Variants in TRMT11 observed in about 807,000 individuals in gnomAD.
TRMT11 encodes the protein tRNA (guanine(10)-N(2))-methyltransferase TRMT11.
Under a neutral mutation model 62.8 loss-of-function variants are expected in TRMT11, and 53 were observed. The ratio of observed to expected loss-of-function variants is 0.84; its 90% CI spans 0.68 to 1.06. TRMT11 has a LOEUF of 1.06. TRMT11 is among the 50% of genes least tolerant of loss of function. The probability of loss-of-function intolerance (pLI) is 0.00; values close to 1 mark genes in which losing one functional copy is unlikely to be tolerated. For missense variants in TRMT11, 556 were observed against 553.4 expected (o/e 1.00, Z -0.05); for synonymous variants, 188 against 190.3 (o/e 0.99, Z 0.10).
chr6:126,001,834 T>G (rs1792544618), intron 7 of TRMT11, among the ~76,000 whole-genome samples: 1 of 152,126 alleles, frequency 6.6e-6, no homozygotes, highest in Non-Finnish European at 1.5e-5. Context: ...ATTATTCTAC[T>G]GTAAGCAAAA....
At chr6:125,987,108 C>G (rs1789774007) in intron 1 of TRMT11, 1 of 157,994 alleles carries the variant, frequency 6.3e-6, no homozygotes, top group South Asian at 1.8e-4. Context: ...GGGCATGTAA[C>G]GATGATGTAA....
intron 17 of TRMT11, among the ~76,000 whole-genome samples, chr6:126,089,333 T>C (rs1393447502): frequency 1.3e-5 from 2 of 152,130 alleles, no homozygotes; most frequent in East Asian, 3.8e-4. Context: ...AGGCTGGTCT[T>C]GAACTCCTGA....
chr6:126,193,490 ATTTTTTTTTTT>A (rs60064329), intron 1 of TRMT11, among the ~76,000 whole-genome samples: 4 of 73,276 alleles, frequency 5.5e-5, no homozygotes, highest in Non-Finnish European at 1.0e-4. Context: ...GCGTTTCTGT[ATTTTTTTTTTT>A]TTTTTTTTTT....
intron 16 of TRMT11, among the ~76,000 whole-genome samples, chr6:126,052,777 T>C (rs1259129400): frequency 1.3e-5 from 2 of 152,260 alleles, no homozygotes; most frequent in African/African-American, 4.8e-5. Context: ...ATCTAGTTTT[T>C]GATCTTGCAT....
intron 21 of TRMT11, among the ~76,000 whole-genome samples, chr6:126,170,016 G>A (rs183711069): frequency 5.3e-5 from 8 of 151,790 alleles, no homozygotes; most frequent in East Asian, 3.9e-4. Flanking sequence ...GAATCCTCCC[G>A]TCTCATTAGA....
chr6:126,105,935 A>G (rs1214151274), intron 17 of TRMT11, among the ~76,000 whole-genome samples: 2 of 152,160 alleles, frequency 1.3e-5, no homozygotes, highest in African/African-American at 2.4e-5. Flanking sequence ...TGTTGAATTA[A>G]TATGGAAAAA....
At chr6:126,003,159 C>G (rs138891791) in intron 7 of TRMT11, among the ~76,000 whole-genome samples, 130 of 152,154 alleles carry the variant, frequency 8.5e-4, no homozygotes, top group African/African-American at 2.9e-3. Context: ...GGAGATGTAG[C>G]TCTAGGGCAA....
chr6:126,227,204 A>G, the TRMT11 span, among the ~76,000 whole-genome samples: 2 of 152,208 alleles, frequency 1.3e-5, no homozygotes, highest in East Asian at 1.9e-4. Context: ...CCCACAAAGG[A>G]CTGAAGTAGG....
At chr6:126,117,779 A>G (rs1269943934) in intron 21 of TRMT11, among the ~76,000 whole-genome samples, 1 of 152,124 alleles carries the variant, frequency 6.6e-6, no homozygotes, top group Non-Finnish European at 1.5e-5. Flanking sequence ...AACACTGAAT[A>G]GTAGAAATAT....
the TRMT11 span, chr6:126,257,884 AT>A: frequency 7.1e-7 from 1 of 1,399,202 alleles, no homozygotes; most frequent in Non-Finnish European, 1.0e-6. Context: ...GGGGACAGTG[AT>A]TGTCCTGAGC....
chr6:126,238,439 T>A, the TRMT11 span, among the ~76,000 whole-genome samples: 4 of 152,188 alleles, frequency 2.6e-5, no homozygotes, highest in Non-Finnish European at 5.9e-5. Flanking sequence ...TCAAAGAACA[T>A]CTTTATTTCT....
At chr6:126,195,472 A>G (rs1445916315) in intron 1 of TRMT11, among the ~76,000 whole-genome samples, 1 of 152,272 alleles carries the variant, frequency 6.6e-6, no homozygotes, top group Non-Finnish European at 1.5e-5. Context: ...CAAAATTTAA[A>G]TAGAAATAAA....
chr6:126,154,518 C>T (rs1778095849), intron 21 of TRMT11, among the ~76,000 whole-genome samples: 1 of 152,150 alleles, frequency 6.6e-6, no homozygotes, highest in African/African-American at 2.4e-5. Context: ...CTAACTTATA[C>T]TCTTGAGGTT....
intron 16 of TRMT11, among the ~76,000 whole-genome samples, chr6:126,048,492 C>T (rs548242855): frequency 9.9e-5 from 15 of 152,250 alleles, no homozygotes; most frequent in African/African-American, 3.4e-4. Flanking sequence ...CAAATTGTGG[C>T]GGCTGATAGA....
chr6:126,073,047 T>C (rs1410033244), intron 17 of TRMT11, among the ~76,000 whole-genome samples: 1 of 152,200 alleles, frequency 6.6e-6, no homozygotes, highest in Non-Finnish European at 1.5e-5. Flanking sequence ...GATGCAATCT[T>C]TGGGATTCAG....
chr6:126,036,001 A>C (rs952013034), intron 12 of TRMT11, among the ~76,000 whole-genome samples: 6 of 152,100 alleles, frequency 3.9e-5, no homozygotes, highest in Non-Finnish European at 8.8e-5. Flanking sequence ...GCACGCTAGT[A>C]ATTGAGCCTG....
At chr6:126,212,949 A>G in the TRMT11 span, among the ~76,000 whole-genome samples, 1 of 152,124 alleles carries the variant, frequency 6.6e-6, no homozygotes, top group Non-Finnish European at 1.5e-5. Flanking sequence ...ATTTCTGTAT[A>G]TGGTGAAAGA....
the TRMT11 span, among the ~76,000 whole-genome samples, chr6:126,232,792 C>T: frequency 1.3e-5 from 2 of 152,108 alleles, no homozygotes; most frequent in Non-Finnish European, 2.9e-5. Flanking sequence ...TCAAAGTTAA[C>T]AAATAAGCAA....
the TRMT11 span, among the ~76,000 whole-genome samples, chr6:126,260,970 T>G: frequency 6.6e-6 from 1 of 152,206 alleles, no homozygotes; most frequent in South Asian, 2.1e-4. Flanking sequence ...TTTGTATATC[T>G]TCCAATATGT....
Sources: allele counts gnomAD v4.1 joint callset (sites outside exome capture counted in the v4.1 genomes callset), GRCh38; gene constraint gnomAD v4.1.1; transcripts MANE v1.5; gene names NCBI Gene and HGNC (gene_info 2026-07-23, HGNC 2026-07-21).